Variants in ASIC2 observed in about 807,000 individuals in gnomAD.
The protein encoded by ASIC2 is acid sensing ion channel subunit 2.
ASIC2 carries 25 observed loss-of-function variants against 57.3 expected under a neutral mutation model. The ratio of observed to expected loss-of-function variants is 0.44; its 90% CI spans 0.32 to 0.61. The LOEUF is 0.61. ASIC2 is among the 20% of genes least tolerant of loss of function. ASIC2 has a pLI of 0.06. For missense variants in ASIC2, 641 were observed against 738.1 expected, an observed-to-expected ratio of 0.87 and a Z score of 1.52; for synonymous variants, 319 against 307.5, an observed-to-expected ratio of 1.04 and a Z score of -0.39.
At chr17:33,688,709 A>T (rs1183840027) in intron 1 of ASIC2, 6 of 152,214 alleles carry the variant, frequency 3.9e-5, no homozygotes, top group South Asian at 4.1e-4. Flanking sequence ...ATCTGAGTAC[A>T]TTTCTGTGAC....
chr17:33,906,606 C>A (rs1915355893), intron 1 of ASIC2, among the ~76,000 whole-genome samples: 4 of 152,172 alleles, frequency 2.6e-5, no homozygotes, highest in Admixed American at 1.3e-4. Context: ...CAAACACCTG[C>A]GAGTATATTC....
chr17:33,769,831 G>A (rs531245882), intron 1 of ASIC2, among the ~76,000 whole-genome samples: 1 of 152,294 alleles, frequency 6.6e-6, no homozygotes, highest in South Asian at 2.1e-4. Context: ...TGTGCGGATG[G>A]CCATCTTCTC....
chr17:34,130,563 G>A (rs1911922398), intron 1 of ASIC2, among the ~76,000 whole-genome samples: 1 of 152,184 alleles, frequency 6.6e-6, no homozygotes, highest in African/African-American at 2.4e-5. Flanking sequence ...GAAAGACAAA[G>A]GTGTCTTTGG....
intron 1 of ASIC2, among the ~76,000 whole-genome samples, chr17:33,537,701 G>A (rs1318773631): frequency 2.0e-5 from 3 of 152,218 alleles, no homozygotes; most frequent in Non-Finnish European, 4.4e-5. Context: ...AAGATAGTTG[G>A]AAAGTTGGAT....
chr17:33,211,118 G>A (rs1473911013), intron 1 of ASIC2, among the ~76,000 whole-genome samples: 3 of 1,048 alleles, frequency 2.9e-3, no homozygotes, highest in Non-Finnish European at 0.037. Flanking sequence ...TTTCAGTAGT[G>A]GAAAATGGGG....
intron 1 of ASIC2, among the ~76,000 whole-genome samples, chr17:33,643,920 A>AT (rs1396619476): frequency 1.3e-5 from 2 of 152,156 alleles, no homozygotes. Flanking sequence ...ACCCAACATG[A>AT]CTTTAGCTGG....
intron 1 of ASIC2, among the ~76,000 whole-genome samples, chr17:33,674,334 A>T (rs1387609273): frequency 1.3e-5 from 2 of 152,244 alleles, no homozygotes; most frequent in Non-Finnish European, 2.9e-5. Context: ...TCCAGAAAAC[A>T]TATCTGAGTT....
chr17:33,817,130 T>C (rs771383195), intron 1 of ASIC2, among the ~76,000 whole-genome samples: 2 of 152,150 alleles, frequency 1.3e-5, no homozygotes, highest in Admixed American at 6.5e-5. Flanking sequence ...TCTGATGTCA[T>C]TGGACTCTGG....
At chr17:33,129,391 T>C (rs1567755663) in intron 1 of ASIC2, among the ~76,000 whole-genome samples, 2 of 152,360 alleles carry the variant, frequency 1.3e-5, no homozygotes, top group Middle Eastern at 3.4e-3. Flanking sequence ...ATAGCCGATT[T>C]AGAGAGAATC....
intron 1 of ASIC2, among the ~76,000 whole-genome samples, chr17:33,372,574 C>A (rs1310571545): frequency 1.3e-5 from 2 of 152,154 alleles, no homozygotes; most frequent in Non-Finnish European, 2.9e-5. Flanking sequence ...GCTGGGACCT[C>A]ATTTGGACCT....
At chr17:33,437,542 C>T (rs4506950) in intron 1 of ASIC2, among the ~76,000 whole-genome samples, 52,952 of 151,906 alleles carry the variant, frequency 0.35, 9,314 homozygotes, top group Middle Eastern at 0.44. Context: ...TGGCTCATGC[C>T]GGTAATCCCA....
chr17:33,380,464 G>A lies in ASIC2; in HGVS notation c.556-268397C>T, dbSNP rs944601395. ...AAAGTGTTACCTTCATCTTATGCAG[G>A]AGAAAAAACAACAAGGTCAGGGAGG... On this transcript the variant is annotated intron_variant, in intron 1 of 9. Transcript: ENST00000359872. Among the ~76,000 whole-genome samples, 12 of 152,158 alleles carry A rather than the reference G, an allele frequency of 7.9e-5. No homozygotes were observed. In the South Asian group the frequency reaches 2.5e-3, roughly 32 times the overall value.
intron 1 of ASIC2, among the ~76,000 whole-genome samples, chr17:33,708,402 A>G (rs1227581446): frequency 6.6e-6 from 1 of 151,550 alleles, no homozygotes; most frequent in African/African-American, 2.4e-5. Flanking sequence ...TTCCTTCTTG[A>G]TCTTCGTCTT....
Position 33,751,642 on chromosome 17 carries a change from G to GT in ASIC2, c.555+404335dup, listed in dbSNP as rs1191103812. ...CATCCCTCACGCTTTCATCCATTCTGTTTTTCAACTCTTCTGTATAACGTT... is the reference window on the plus strand; with the variant it reads ...CATCCCTCACGCTTTCATCCATTCTGTTTTTTCAACTCTTCTGTATAACGTT... On this transcript the variant is annotated intron_variant, in intron 1 of 9. Transcript: ENST00000359872. 4.6e-5 allele frequency among the ~76,000 whole-genome samples: 7 copies of GT among 152,060 alleles called. No individual in the cohort carries two copies. In the East Asian group the frequency reaches 1.4e-3, roughly 29 times the overall value.
At position 34,067,772 on chromosome 17, in the gene ASIC2, T is replaced by G. The variant is rs944377565; in HGVS notation, c.555+88206A>C. The stretch of plus-strand genomic sequence containing the variant: ...CTAACGTGGAAAGACATCCATGATA[T>G]GTTTTTAAATGAAAATCCCAGATTA... On this transcript the variant is annotated intron_variant, in intron 1 of 9. Transcript: ENST00000359872. Among the ~76,000 whole-genome samples, 3 of 152,202 alleles carry G rather than the reference T, an allele frequency of 2.0e-5. No homozygotes were observed. In the South Asian group the frequency reaches 6.2e-4, roughly 32 times the overall value.
chr17:33,149,500 C>T (rs778080309), intron 1 of ASIC2, among the ~76,000 whole-genome samples: 38 of 152,172 alleles, frequency 2.5e-4, no homozygotes, highest in East Asian at 5.8e-4. Context: ...GAAGAGGCTA[C>T]GTCAGATTTG....
At chr17:33,516,249 C>T (rs761740694) in intron 1 of ASIC2, among the ~76,000 whole-genome samples, 25 of 152,218 alleles carry the variant, frequency 1.6e-4, no homozygotes, top group Non-Finnish European at 2.9e-4. Flanking sequence ...TCCCACATTG[C>T]CTTCCTTCTT....
chr17:33,224,979 T>C (rs1327111177), intron 1 of ASIC2, among the ~76,000 whole-genome samples: 1 of 151,896 alleles, frequency 6.6e-6, no homozygotes, highest in East Asian at 1.9e-4. Flanking sequence ...TTGGACAGAG[T>C]CTGATGGGGA....
At chr17:33,944,400 C>A (rs1005055459) in intron 1 of ASIC2, among the ~76,000 whole-genome samples, 1 of 152,130 alleles carries the variant, frequency 6.6e-6, no homozygotes, top group Non-Finnish European at 1.5e-5. Context: ...CAGGAAGGAG[C>A]CTTGATCATT....
Sources: gnomAD v4.1 joint callset for allele counts (sites outside exome capture counted in the v4.1 genomes callset) on GRCh38, gnomAD v4.1.1 for gene constraint, MANE v1.5 for transcripts, NCBI Gene and HGNC (gene_info 2026-07-23, HGNC 2026-07-21) for gene names.